FAM200A: variants seen among roughly 807,000 people sequenced by gnomAD.
FAM200A encodes the protein ZBED8 like.
FAM200A carries 26 observed loss-of-function variants against 44.2 expected under a neutral mutation model. The ratio of observed to expected loss-of-function variants is 0.59; its 90% CI spans 0.43 to 0.82. The LOEUF (loss-of-function observed/expected upper bound fraction) is 0.82. FAM200A is among the 40% of genes least tolerant of loss of function. FAM200A has a pLI of 0.00. For synonymous variants in FAM200A, 206 were observed against 244.4 expected, an observed-to-expected ratio of 0.84 and a Z score of 1.47; for missense variants, 606 against 669.5, an observed-to-expected ratio of 0.91 and a Z score of 1.05.
Position 99,547,879 on chromosome 7 carries a change from TTAAACAACA to T in FAM200A, c.520_528del (p.Cys174_Leu176del), listed in dbSNP as rs1223640418. The T allele has an allele frequency of 6.4e-7, 1 of 1,551,188 alleles. No individual in the cohort carries two copies. Among genetic ancestry groups the T allele is most frequent in the Admixed American group, 2.0e-5 (1 of 50,972 alleles). ...AATCCAGTTATATGTGAATTTAAAT[TTAAACAACA>T]TAAGAGATCCTCTACAAAATCATCT... On this transcript the variant is annotated inframe_deletion, in exon 2 of 2. Coordinates refer to ENST00000449309, the MANE Select transcript of FAM200A (RefSeq NM_145111.4).
At chr7:99,557,444 G>C (rs1199942092) in intron 1 of FAM200A, among the ~76,000 whole-genome samples, 1 of 152,210 alleles carries the variant, frequency 6.6e-6, no homozygotes. Flanking sequence ...AGAGGAAGAA[G>C]TACTGTGTCA....
chr7:99,548,040 G>C lies in FAM200A; in HGVS notation c.368C>G (p.Ala123Gly). ...NTISRRICTI[A>G]KHLEAMLITR... is the part of the protein sequence containing the mutation. Reference sequence around the variant, plus strand: ...AATAAGCATTGCTTCCAAATGTTTTGCAATCGTACAGATTCGACGAGATAT... The same window carrying C: ...AATAAGCATTGCTTCCAAATGTTTTCCAATCGTACAGATTCGACGAGATAT... The change falls in exon 2 of 2, where the codon GCA (alanine) becomes GGA (glycine). Residue 123 changes from alanine to glycine, a missense_variant. Physicochemically the swap from Ala to Gly is moderately conservative, Grantham distance 60 (BLOSUM62 0). Transcript: ENST00000449309. The C allele has an allele frequency of 6.4e-7, 1 of 1,551,476 alleles. No homozygotes were observed. Among genetic ancestry groups the C allele is most frequent in the Non-Finnish European group, 8.7e-7 (1 of 1,146,954 alleles).
upstream of FAM200A, among the ~76,000 whole-genome samples, chr7:99,553,084 T>TATATATAC (rs1562927130): frequency 1.0e-5 from 1 of 97,044 alleles, no homozygotes; most frequent in South Asian, 3.6e-4. Flanking sequence ...TATATATATA[T>TATATATAC]ATATATATAT....
upstream of FAM200A, among the ~76,000 whole-genome samples, chr7:99,553,051 A>ATATATACACACATATATATACATG (rs1802580637): frequency 4.8e-5 from 5 of 104,910 alleles, no homozygotes; most frequent in African/African-American, 1.9e-4. Context: ...ATACACACAC[A>ATATATACACACATATATATACATG]TATATATATA....
chr7:99,552,245 C>A (rs935852828), upstream of FAM200A: 33 of 886,746 alleles, frequency 3.7e-5, no homozygotes, highest in African/African-American at 5.6e-4. Context: ...TGCTCCTCAG[C>A]TTGTCCGCTC....
In FAM200A at chr7:99,547,751, T is replaced by G; in HGVS notation, c.657A>C (p.Gly219=). The G allele has an allele frequency of 1.3e-6, 2 of 1,551,710 alleles. No homozygotes were observed. Among genetic ancestry groups the G allele is most frequent in the Non-Finnish European group, 1.7e-6 (2 of 1,146,984 alleles). ...ISSDGTANMT[G]KHSRLTEKLL... is the part of the protein sequence containing the mutation. ...ATTTTTCAGTAAGTCTGCTGTGTTT[T>G]CCGGTCATATTTGCTGTTCCATCAC... The change falls in exon 2 of 2, where the codon GGA becomes GGC. Residue 219 remains glycine, a synonymous_variant. Coordinates refer to ENST00000449309, the MANE Select transcript of FAM200A (RefSeq NM_145111.4).
chr7:99,555,050 C>T (rs1025388700), upstream of FAM200A, among the ~76,000 whole-genome samples: 2 of 152,198 alleles, frequency 1.3e-5, no homozygotes, highest in South Asian at 4.1e-4. Context: ...GTACCTCCAC[C>T]TCATCCCCAA....
In FAM200A at chr7:99,551,837, CTTCG is replaced by C; in HGVS notation, c.-100+13_-100+16del. The C allele has an allele frequency of 1.0e-6, 1 of 985,486 alleles. No homozygotes were observed. The highest frequency in any genetic ancestry group is 1.2e-6 in the Non-Finnish European group (1 of 829,968). The allele number at this position is 985,486 out of a possible 1,614,324, so 61.0% of individuals were successfully genotyped here. A position where few individuals can be genotyped will look rare whatever the true frequency, so the allele number is the denominator to read the frequency against. ...GGTGTCTCCAATCCGGAAACCAAAA[CTTCG>C]TTCCCTTCCCACCTGTATCCAGGGA... On this transcript the variant is annotated intron_variant, in intron 1 of 1. Transcript: ENST00000449309.
At chr7:99,553,605 C>T (rs576438700), upstream of FAM200A, among the ~76,000 whole-genome samples, 25 of 152,222 alleles carry the variant, frequency 1.6e-4, no homozygotes, top group Admixed American at 5.2e-4. Context: ...CTCCAGATTT[C>T]GGAGCGAGGA....
At position 99,548,266 on chromosome 7, in the gene FAM200A, G is replaced by C. The variant is rs772598634; in HGVS notation, c.142C>G (p.Gln48Glu). ...ATAGTTGTAGAGCGACTGAGAACTT[G>C]TGGCGATGACTCTACTTTGTTTCTT... Reference protein sequence around the residue: ...KERNKVESSPQVLSRSTTMNE... With the variant: ...KERNKVESSPEVLSRSTTMNE... Residue 48 changes from glutamine (Q) to glutamate (E), a missense_variant, in exon 2 of 2, where the codon CAA (glutamine) becomes GAA (glutamate). By Grantham distance (29) the Gln-to-Glu change is conservative. Coordinates refer to ENST00000449309, the MANE Select transcript of FAM200A (RefSeq NM_145111.4). 1 of 1,613,910 alleles carries C rather than the reference G, an allele frequency of 6.2e-7. No individual in the cohort carries two copies. Among genetic ancestry groups the C allele is most frequent in the Admixed American group, 1.7e-5 (1 of 59,960 alleles).
At chr7:99,558,253 A>G (rs902856227) in intron 1 of FAM200A, 17 of 152,204 alleles carry the variant, frequency 1.1e-4, no homozygotes, top group African/African-American at 4.1e-4. Context: ...TACTCACGGA[A>G]GCGGGACCAT....
chr7:99,550,366 C>A (rs1392483437), intron 1 of FAM200A, among the ~76,000 whole-genome samples: 3 of 152,176 alleles, frequency 2.0e-5, no homozygotes, highest in African/African-American at 7.2e-5. Flanking sequence ...ACCTCGGCCT[C>A]CCAAAGTGCT....
upstream of FAM200A, among the ~76,000 whole-genome samples, chr7:99,556,056 G>C (rs962985677): frequency 1.3e-5 from 2 of 152,134 alleles, no homozygotes; most frequent in Non-Finnish European, 2.9e-5. Flanking sequence ...GGATTAGAGG[G>C]TGCAAGGTGG....
At chr7:99,553,517 G>T (rs1227368691), upstream of FAM200A, among the ~76,000 whole-genome samples, 2 of 152,074 alleles carry the variant, frequency 1.3e-5, no homozygotes, top group African/African-American at 4.8e-5. Flanking sequence ...GTGGTATTCT[G>T]TTTTCAGTTC....
At chr7:99,551,081 A>G (rs1014982439) in intron 1 of FAM200A, among the ~76,000 whole-genome samples, 1 of 152,042 alleles carries the variant, frequency 6.6e-6, no homozygotes, top group African/African-American at 2.4e-5. Context: ...AAAAAAACCA[A>G]CCAAAGAAAC....
At chr7:99,555,862 C>T (rs776781356), upstream of FAM200A, among the ~76,000 whole-genome samples, 26 of 152,078 alleles carry the variant, frequency 1.7e-4, no homozygotes, top group African/African-American at 2.9e-4. Context: ...GCCGAGATCA[C>T]GGCACTGTAC....
chr7:99,556,945 G>A (rs1236484433), upstream of FAM200A, among the ~76,000 whole-genome samples: 1 of 152,160 alleles, frequency 6.6e-6, no homozygotes, highest in Non-Finnish European at 1.5e-5. Context: ...CTGAGGCAGG[G>A]AAAATGCTTG....
upstream of FAM200A, chr7:99,552,164 G>C: frequency 1.0e-6 from 1 of 985,458 alleles, no homozygotes. Flanking sequence ...GCTCCGCTTC[G>C]GGGTCCTCTC....
chr7:99,552,851 C>T (rs1802566911), upstream of FAM200A, among the ~76,000 whole-genome samples: 1 of 151,558 alleles, frequency 6.6e-6, no homozygotes, highest in Non-Finnish European at 1.5e-5. Context: ...CGTGGTATCC[C>T]GAATTACCTT....
Sources: gnomAD v4.1 joint callset for allele counts (sites outside exome capture counted in the v4.1 genomes callset) on GRCh38, gnomAD v4.1.1 for gene constraint, MANE v1.5 for transcripts, NCBI Gene and HGNC (gene_info 2026-07-23, HGNC 2026-07-21) for gene names.